The following EVC2 variants were observed in gnomAD, a reference collection of about 807,000 sequenced individuals.
EVC2 encodes EvC ciliary complex subunit 2.
A neutral mutation model predicts 149.3 loss-of-function variants in EVC2; 148 were observed. The observed-to-expected ratio is 0.99, with a 90% CI of 0.87 to 1.14. EVC2 has a LOEUF of 1.14. Ranked by LOEUF, EVC2 falls within the 50% of genes most tolerant of loss-of-function variation. The pLI is 0.00. For synonymous variants in EVC2, 776 were observed against 649.9 expected (o/e 1.19, Z -2.95); for missense variants, 1,854 against 1,627.3 (o/e 1.14, Z -2.40).
chr4:5,595,772 G>A (rs185408056), intron 16 of EVC2, among the ~76,000 whole-genome samples: 4,411 of 152,218 alleles, frequency 0.029, 213 homozygotes, highest in Admixed American at 0.13. Context: ...ACACAGACTG[G>A]CAAATTGGAT....
At position 5,618,369 on chromosome 4, in the gene EVC2, G is replaced by T. The variant is rs1037231334; in HGVS notation, c.2706+109C>A. On this transcript the variant is annotated intron_variant, in intron 15 of 21. Transcript: ENST00000344408. This position sits in a 1 kb window ranked among gnomAD's most constrained non-coding sequence, Gnocchi z 4.4. Reference sequence around the variant, plus strand: ...TGCAGCCAGAGAGGAGAGGATAGGGGAGCATGAGGTGAGATGGGCTCAGGC... The same window carrying T: ...TGCAGCCAGAGAGGAGAGGATAGGGTAGCATGAGGTGAGATGGGCTCAGGC... 2.2e-5 allele frequency: 26 copies of T among 1,202,664 alleles called. No homozygotes were observed. Among genetic ancestry groups the T allele is most frequent in the Non-Finnish European group, 3.0e-5 (25 of 821,466 alleles). 74.5% of individuals were successfully genotyped at this position (1,202,664 alleles called of 1,614,324 possible).
rs537913076 is a variant in EVC2, at chr4:5,646,050, G to A, written c.1146-5212C>T. ...GTTCAAGTGATTCTCCTGAGCCTCC[G>A]CCTCCTGAGTACCTGGGATTACAGG... On this transcript the variant is annotated intron_variant, in intron 9 of 21. Coordinates refer to ENST00000344408, the MANE Select transcript of EVC2 (RefSeq NM_147127.5). 4.6e-5 allele frequency among the ~76,000 whole-genome samples: 7 copies of A among 152,122 alleles called. No individual in the cohort carries two copies. In the East Asian group the frequency reaches 5.8e-4, roughly 13 times the overall value.
rs569637068 is a variant in EVC2, at chr4:5,671,420, C to G, written c.871-5771G>C. 2.6e-5 allele frequency among the ~76,000 whole-genome samples: 4 copies of G among 152,358 alleles called. No individual in the cohort carries two copies. In the East Asian group the frequency reaches 7.7e-4, roughly 29 times the overall value. On this transcript the variant is annotated intron_variant, in intron 7 of 21. Transcript: ENST00000344408. Reference sequence around the variant, plus strand: ...GGGCAGGATTTTGGAACTCCTGAGTCTCTGGCCAAAAGCCTTCCTAATCCC... The same window carrying G: ...GGGCAGGATTTTGGAACTCCTGAGTGTCTGGCCAAAAGCCTTCCTAATCCC...
At position 5,562,896 on chromosome 4, in the gene EVC2, C is replaced by A. The variant is rs1722040344; in HGVS notation, c.3879G>T (p.Lys1293Asn). The change falls in exon 22 of 22, where the codon AAG (lysine) becomes AAT (asparagine). Residue 1293 changes from lysine to asparagine, a missense_variant. Physicochemically the swap from Lys to Asn is moderately conservative, Grantham distance 94 (BLOSUM62 0). Transcript: ENST00000344408. This position sits in a 1 kb window ranked among gnomAD's most constrained non-coding sequence, Gnocchi z 4.3. Reference sequence around the variant, plus strand: ...TGGCCTTTTTGGCATTCAAAAAGTTCTTCTTTTTCCTGGGAGGAACGTGCA... The same window carrying A: ...TGGCCTTTTTGGCATTCAAAAAGTTATTCTTTTTCCTGGGAGGAACGTGCA... Reference protein sequence around the residue: ...ISLHVPPRKKKNFLNAKKAMR... With the variant: ...ISLHVPPRKKNNFLNAKKAMR... The A allele has an allele frequency of 3.7e-6, 6 of 1,613,860 alleles. No individual in the cohort carries two copies. Among genetic ancestry groups the A allele is most frequent in the Non-Finnish European group, 5.1e-6 (6 of 1,180,014 alleles).
At chr4:5,608,039 C>G (rs574446048) in intron 16 of EVC2, among the ~76,000 whole-genome samples, 18 of 152,158 alleles carry the variant, frequency 1.2e-4, no homozygotes, top group African/African-American at 4.3e-4. Context: ...GCCACAGTCC[C>G]GGGCTATGGA....
intron 21 of EVC2, among the ~76,000 whole-genome samples, chr4:5,564,742 T>C (rs1037664859): frequency 3.9e-5 from 6 of 152,180 alleles, no homozygotes; most frequent in African/African-American, 1.4e-4. Context: ...TCTGTAGGTG[T>C]GTGATAGCCA....
At chr4:5,703,902 G>A (rs1302064672) in intron 1 of EVC2, among the ~76,000 whole-genome samples, 2 of 152,102 alleles carry the variant, frequency 1.3e-5, no homozygotes, top group African/African-American at 2.4e-5. Flanking sequence ...GGCTTTAACA[G>A]GGTGACAGAG....
rs1320671520 is a variant in EVC2 at position 5,569,425 on chromosome 4, G to A, written c.3361-785C>T. Among the ~76,000 whole-genome samples, 1 of 152,188 alleles carries A rather than the reference G, an allele frequency of 6.6e-6. No individual in the cohort carries two copies. Among genetic ancestry groups the A allele is most frequent in the Non-Finnish European group, 1.5e-5 (1 of 68,036 alleles). On this transcript the variant is annotated intron_variant, in intron 19 of 21. Coordinates refer to ENST00000344408, the MANE Select transcript of EVC2 (RefSeq NM_147127.5). This position sits in a 1 kb window ranked among gnomAD's most constrained non-coding sequence, Gnocchi z 4.8. ...GATGCTGTCTGACAGGAACCATTGG[G>A]GAAAATTGAGTGAAACTCTCTGAAA...
intron 20 of EVC2, among the ~76,000 whole-genome samples, chr4:5,565,605 G>A (rs927146712): frequency 8.6e-5 from 13 of 151,482 alleles, no homozygotes; most frequent in African/African-American, 2.9e-4. Flanking sequence ...CCCAGGAGGC[G>A]GAGGTTGCAG....
chr4:5,542,536 C>T (rs112037672), downstream of EVC2, among the ~76,000 whole-genome samples: 147 of 152,300 alleles, frequency 9.7e-4, 1 homozygote, highest in African/African-American at 2.8e-3. Flanking sequence ...CCTCTGGGGC[C>T]ACAACTCACC....
rs755278587 is a variant in EVC2, at chr4:5,631,779, G to T, written c.1710+14C>A. ...AAAAATTACTTTTCCATCACAGCGA[G>T]GCTGATGTATTACCTGTATTTTAGA... On this transcript the variant is annotated intron_variant, in intron 11 of 21. Transcript: ENST00000344408. 1.2e-6 allele frequency: 2 copies of T among 1,613,388 alleles called. No individual in the cohort carries two copies. The highest frequency in any genetic ancestry group is 1.3e-5 in the African/African-American group (1 of 75,040).
chr4:5,621,997 C>A (rs1264925631), intron 14 of EVC2, among the ~76,000 whole-genome samples: 2 of 151,992 alleles, frequency 1.3e-5, no homozygotes, highest in Non-Finnish European at 2.9e-5. Context: ...AGAAATGGAC[C>A]AGGGATGAAA....
intron 22 of EVC2, chr4:5,542,970 C>T: frequency 2.5e-6 from 1 of 392,722 alleles, no homozygotes; most frequent in Non-Finnish European, 4.8e-6. Flanking sequence ...GTAAACAAGT[C>T]CTCCCACACT....
intron 21 of EVC2, among the ~76,000 whole-genome samples, chr4:5,552,454 C>T (rs1242149112): frequency 1.3e-5 from 2 of 152,100 alleles, no homozygotes; most frequent in Admixed American, 6.5e-5. Context: ...TGTAGATGTA[C>T]ACAAATATTT....
rs565328940 is a variant in EVC2, at chr4:5,631,568, G to C, written c.1710+225C>G. 3.6e-4 allele frequency among the ~76,000 whole-genome samples: 27 copies of C among 75,620 alleles called. 1 individual carries two copies. In the South Asian group the frequency reaches 6.1e-3, roughly 17 times the overall value. 49.6% of individuals were successfully genotyped at this position (75,620 alleles called of 152,430 possible). A position where few individuals can be genotyped will look rare whatever the true frequency, so the allele number is the denominator to read the frequency against. On this transcript the variant is annotated intron_variant, in intron 11 of 21. Transcript: ENST00000344408. ...CTTGCTCAAGTTCACGCAGTAGACTGGGGGGGGGAACTGAAATTCCAATCC... is the reference window on the plus strand; with the variant it reads ...CTTGCTCAAGTTCACGCAGTAGACTCGGGGGGGGAACTGAAATTCCAATCC...
In EVC2 at chr4:5,656,988, G is replaced by A. The variant is rs79799074; in HGVS notation, c.1145+6119C>T. ...GTAAGGCAAGTGGAGTCACCAACAC[G>A]GTAAGTGGCAGAACTGGGACTCAAC... is the stretch of plus-strand genomic sequence containing the variant. On this transcript the variant is annotated intron_variant, in intron 9 of 21. Coordinates refer to ENST00000344408, the MANE Select transcript of EVC2 (RefSeq NM_147127.5). Among the ~76,000 whole-genome samples the A allele has an allele frequency of 3.7e-3, 565 of 152,242 alleles. 14 individuals are homozygous for A. In the East Asian group the frequency reaches 0.059, roughly 16 times the overall value.
At position 5,562,582 on chromosome 4, in the gene EVC2, T is replaced by TG. The variant is rs774925716; in HGVS notation, c.*265dup. 324 of 1,335,906 alleles carry TG rather than the reference T, an allele frequency of 2.4e-4. No individual in the cohort carries two copies. Among genetic ancestry groups the TG allele is most frequent in the Non-Finnish European group, 3.0e-4 (314 of 1,039,490 alleles). The allele number at this position is 1,335,906 out of a possible 1,614,324, so 82.8% of individuals were successfully genotyped here. A position where few individuals can be genotyped will look rare whatever the true frequency, so the allele number is the denominator to read the frequency against. ...AGAGGATGGGGTGTGGATTGCAGGG[T>TG]GGGGGTCTCCTCCAGGGCCCTGGGG... On this transcript the variant is annotated 3_prime_UTR_variant, in exon 22 of 22. Coordinates refer to ENST00000344408, the MANE Select transcript of EVC2 (RefSeq NM_147127.5). The surrounding 1 kb of genome is among the most constrained non-coding windows in gnomAD (Gnocchi z 4.3).
At chr4:5,695,143 A>T (rs1721387655) in intron 2 of EVC2, among the ~76,000 whole-genome samples, 1 of 152,004 alleles carries the variant, frequency 6.6e-6, no homozygotes, top group Non-Finnish European at 1.5e-5. Context: ...AAGTCAAGAG[A>T]TCGAGACTAT....
chr4:5,584,896 G>T (rs777525335), intron 16 of EVC2, 46 bp from the exon 17 acceptor site: 1 of 1,591,092 alleles, frequency 6.3e-7, no homozygotes, highest in Non-Finnish European at 8.6e-7. Context: ...GCAGTGAGTA[G>T]AGGAGGGTGG....
Sources: allele counts gnomAD v4.1 joint callset (sites outside exome capture counted in the v4.1 genomes callset), GRCh38; gene constraint gnomAD v4.1.1; non-coding constraint Gnocchi (gnomAD v3.1); transcripts MANE v1.5; gene names NCBI Gene and HGNC (gene_info 2026-07-23, HGNC 2026-07-21).